Variants in RANBP17 observed in about 807,000 individuals in gnomAD.
RANBP17 encodes RAN binding protein 17.
Under a neutral mutation model 141.2 loss-of-function variants are expected in RANBP17, and 158 were observed. The ratio of observed to expected loss-of-function variants is 1.12; its 90% CI spans 0.98 to 1.28. The LOEUF (loss-of-function observed/expected upper bound fraction) is 1.28, where lower values mean the gene tolerates loss of function less well. RANBP17 is among the 50% of genes most tolerant of loss of function. RANBP17 has a pLI of 0.00. For missense variants in RANBP17, 1,438 were observed against 1,290.7 expected (o/e 1.11, Z -1.75); for synonymous variants, 430 against 450.0 (o/e 0.96, Z 0.56).
intron 14 of RANBP17, among the ~76,000 whole-genome samples, chr5:171,073,272 G>T (rs879625016): frequency 3.3e-5 from 5 of 152,124 alleles, no homozygotes; most frequent in Non-Finnish European, 5.9e-5. Flanking sequence ...AAAGTGGTAG[G>T]GGGGAAAGGA....
At chr5:170,943,683 C>G (rs1419527055) in intron 12 of RANBP17, among the ~76,000 whole-genome samples, 4 of 151,868 alleles carry the variant, frequency 2.6e-5, no homozygotes, top group African/African-American at 4.8e-5. Flanking sequence ...ATTTTTTTCT[C>G]TAAATGCAAT....
chr5:171,205,509 C>G lies in RANBP17; in HGVS notation c.2143-15C>G. The stretch of plus-strand genomic sequence containing the variant: ...AACGTGAAAATCAATTACTGTGTCT[C>G]TTTCCCACTGACAGCGTATGTTGAT... On this transcript the variant is annotated splice_polypyrimidine_tract_variant and intron_variant, in intron 19 of 27. Transcript: ENST00000523189. 6.2e-7 allele frequency: 1 copy of G among 1,610,902 alleles called. No homozygotes were observed. Among genetic ancestry groups the G allele is most frequent in the East Asian group, 2.2e-5 (1 of 44,860 alleles).
intron 14 of RANBP17, among the ~76,000 whole-genome samples, chr5:171,149,839 C>T (rs1035689911): frequency 2.0e-5 from 3 of 152,124 alleles, no homozygotes; most frequent in African/African-American, 7.2e-5. Flanking sequence ...TGAGAGAAAC[C>T]TCAAAGAAGA....
intron 20 of RANBP17, 80 bp from the exon 21 acceptor site, chr5:171,213,551 G>A: frequency 1.1e-6 from 1 of 898,928 alleles, no homozygotes; most frequent in Non-Finnish European, 1.9e-6. Context: ...TCCCTTTTGT[G>A]TGTGTGTATG....
rs546796168 is a variant in RANBP17, at chr5:171,089,692, G to A, written c.1711-80438G>A. Among the ~76,000 whole-genome samples, 1,466 of 152,310 alleles carry A rather than the reference G, an allele frequency of 9.6e-3. 25 individuals are homozygous for A. Among genetic ancestry groups the A allele is most frequent in the African/African-American group, 0.034 (1,395 of 41,584 alleles). On this transcript the variant is annotated intron_variant, in intron 14 of 27. Coordinates refer to ENST00000523189, the MANE Select transcript of RANBP17 (RefSeq NM_022897.5). ...CGTTTTTTAAGCCGGTCTGAAAAGC[G>A]CAATATTCGGGTGGGAGTGACCCGA...
At chr5:171,246,222 G>A (rs1765209777) in intron 24 of RANBP17, among the ~76,000 whole-genome samples, 1 of 152,098 alleles carries the variant, frequency 6.6e-6, no homozygotes, top group Non-Finnish European at 1.5e-5. Context: ...ACAAACACTG[G>A]AGAGGACTCC....
chr5:171,062,206 T>C (rs573870215), intron 14 of RANBP17, among the ~76,000 whole-genome samples: 3 of 152,248 alleles, frequency 2.0e-5, no homozygotes, highest in East Asian at 3.9e-4. Context: ...GTCATTATGA[T>C]GTTAGCTGGT....
At chr5:171,213,882 G>T in intron 21 of RANBP17, 144 bp downstream of exon 21, 1 of 671,304 alleles carries the variant, frequency 1.5e-6, no homozygotes. Flanking sequence ...AGTGAAAACA[G>T]AATTAGAGAC....
intron 14 of RANBP17, among the ~76,000 whole-genome samples, chr5:170,979,066 C>T (rs1308711374): frequency 6.6e-6 from 1 of 152,092 alleles, no homozygotes; most frequent in African/African-American, 2.4e-5. Context: ...CATACAAGGA[C>T]ACAAATGACA....
chr5:171,238,482 AG>A (rs1245475224), intron 22 of RANBP17, among the ~76,000 whole-genome samples: 2 of 152,170 alleles, frequency 1.3e-5, no homozygotes, highest in African/African-American at 2.4e-5. Flanking sequence ...TACAGAATAT[AG>A]GACCTTTCCT....
chr5:170,877,362 C>A (rs1006577903), intron 1 of RANBP17, among the ~76,000 whole-genome samples: 2 of 152,090 alleles, frequency 1.3e-5, no homozygotes, highest in Non-Finnish European at 2.9e-5. Flanking sequence ...AGCTCCAGGG[C>A]TCAAGCGATT....
At chr5:171,168,683 A>G (rs1387420721) in intron 14 of RANBP17, among the ~76,000 whole-genome samples, 3 of 152,172 alleles carry the variant, frequency 2.0e-5, no homozygotes, top group Admixed American at 1.3e-4. Flanking sequence ...CAAACATCTT[A>G]CAAGCAACAA....
In RANBP17 at chr5:171,293,913, T is replaced by C. The variant is rs779952303; in HGVS notation, c.2974T>C (p.Phe992Leu). ...GTCTGTCCTCATGAACACCATTGTC[T>C]TTGAAGACTGTCGGAACCAGTGGTC... ...MMSVLMNTIVFEDCRNQWSVS... is the reference protein window; with the variant it reads ...MMSVLMNTIVLEDCRNQWSVS... The change falls in exon 26 of 28, where the codon TTT (phenylalanine) becomes CTT (leucine). Residue 992 changes from phenylalanine (F) to leucine (L), a missense_variant. Transcript: ENST00000523189. 6.2e-7 allele frequency: 1 copy of C among 1,613,916 alleles called. No individual in the cohort carries two copies. Among genetic ancestry groups the C allele is most frequent in the Non-Finnish European group, 8.5e-7 (1 of 1,179,838 alleles).
intron 19 of RANBP17, among the ~76,000 whole-genome samples, chr5:171,203,223 A>G (rs1762398101): frequency 6.6e-6 from 1 of 152,240 alleles, no homozygotes; most frequent in Admixed American, 6.5e-5. Flanking sequence ...GCACTATTTT[A>G]AATGAGATGG....
intron 14 of RANBP17, among the ~76,000 whole-genome samples, chr5:171,089,204 T>G (rs1336583008): frequency 7.3e-6 from 1 of 137,656 alleles, no homozygotes; most frequent in African/African-American, 2.6e-5. Flanking sequence ...GCAGGTCTGT[T>G]GGAATACCCT....
At chr5:171,138,556 A>G (rs1179685626) in intron 14 of RANBP17, among the ~76,000 whole-genome samples, 3 of 151,198 alleles carry the variant, frequency 2.0e-5, no homozygotes, top group Non-Finnish European at 2.9e-5. Flanking sequence ...AAAAAAAAAA[A>G]GTCCTGAGAA....
intron 5 of RANBP17, among the ~76,000 whole-genome samples, chr5:170,904,904 CT>C (rs773596245): frequency 7.9e-5 from 12 of 152,116 alleles, no homozygotes; most frequent in Non-Finnish European, 1.6e-4. Context: ...TGTAATACCA[CT>C]AACTATTCAG....
chr5:171,043,752 A>G (rs1246660774), intron 14 of RANBP17, among the ~76,000 whole-genome samples: 1 of 152,136 alleles, frequency 6.6e-6, no homozygotes, highest in Non-Finnish European at 1.5e-5. Flanking sequence ...GGCACCTGCC[A>G]TTCTATGGTT....
At chr5:170,905,939 C>T (rs569399965) in intron 5 of RANBP17, among the ~76,000 whole-genome samples, 1 of 152,130 alleles carries the variant, frequency 6.6e-6, no homozygotes, top group South Asian at 2.1e-4. Context: ...GGTAAATGTG[C>T]AGTTTAGAGA....
Sources: allele counts gnomAD v4.1 joint callset (sites outside exome capture counted in the v4.1 genomes callset), GRCh38; gene constraint gnomAD v4.1.1; transcripts MANE v1.5; gene names NCBI Gene and HGNC (gene_info 2026-07-23, HGNC 2026-07-21).